NLRP14: variants seen among roughly 807,000 people sequenced by gnomAD.
The protein encoded by NLRP14 is NACHT, LRR and PYD domains-containing protein 14.
A neutral mutation model predicts 94.7 loss-of-function variants in NLRP14; 105 were observed. That is an observed-to-expected ratio of 1.11 (90% CI 0.95 to 1.30). The LOEUF (loss-of-function observed/expected upper bound fraction) is 1.30. Among genes scored for constraint, NLRP14 ranks in the 50% most tolerant of loss-of-function variants. The pLI is 0.00. For missense variants in NLRP14, 1,362 were observed against 1,254.1 expected, an observed-to-expected ratio of 1.09 and a Z score of -1.30; for synonymous variants, 508 against 459.9, an observed-to-expected ratio of 1.10 and a Z score of -1.34.
At chr11:7,070,108 T>A (rs771040067) in intron 10 of NLRP14, among the ~76,000 whole-genome samples, 178 bp from the exon 11 acceptor site, 1 of 152,212 alleles carries the variant, frequency 6.6e-6, no homozygotes, top group Non-Finnish European at 1.5e-5. Context: ...AAGTTCAGCC[T>A]AGAAATATCT....
rs17194742 is a variant in NLRP14, at chr11:7,039,831, T to G, written c.361+46T>G. 90,394 of 1,398,284 alleles carry G rather than the reference T, an allele frequency of 0.065. 3,331 individuals carry two copies. The highest frequency in any genetic ancestry group is 0.08 in the Non-Finnish European group (78,795 of 983,156). The allele number at this position is 1,398,284 out of a possible 1,614,324, so 86.6% of individuals were successfully genotyped here. On this transcript the variant is annotated intron_variant, in intron 3 of 11. Transcript: ENST00000299481. ...TCAGATTTGGGAGGCATTCAAAGTTTTGATACAGGACGGTGATTTATCTCC... is the reference window on the plus strand; with the variant it reads ...TCAGATTTGGGAGGCATTCAAAGTTGTGATACAGGACGGTGATTTATCTCC...
At position 7,052,274 on chromosome 11, in the gene NLRP14, G is replaced by A. The variant is rs1565021135; in HGVS notation, c.2291+2436G>A. ...TACCAAAATGGCATATAAATGCAGA[G>A]CACTCTCTATATCTTCATAGACTTT... On this transcript the variant is annotated intron_variant, in intron 6 of 11. Coordinates refer to ENST00000299481, the MANE Select transcript of NLRP14 (RefSeq NM_176822.4). 3.9e-5 allele frequency among the ~76,000 whole-genome samples: 6 copies of A among 152,156 alleles called. No homozygotes were observed. The South Asian group carries it at 8.3e-4, about 21-fold the overall frequency.
the NLRP14 span, among the ~76,000 whole-genome samples, chr11:7,077,864 G>A: frequency 5.3e-5 from 8 of 152,086 alleles, no homozygotes; most frequent in Admixed American, 5.2e-4. Context: ...ATTTGGGTGG[G>A]GACACAGCCA....
chr11:7,024,414 G>T (rs1282978692), intron 1 of NLRP14, among the ~76,000 whole-genome samples: 2 of 152,176 alleles, frequency 1.3e-5, no homozygotes, highest in Non-Finnish European at 2.9e-5. Context: ...ATGCTATCTT[G>T]GTTTCTGCTA....
chr11:7,075,570 C>T (rs1174567189), downstream of NLRP14, among the ~76,000 whole-genome samples: 1 of 152,130 alleles, frequency 6.6e-6, no homozygotes, highest in Non-Finnish European at 1.5e-5. Flanking sequence ...TAAAAACATG[C>T]CTGGTGGTAT....
intron 1 of NLRP14, 139 bp from the exon 2 acceptor site, chr11:7,038,427 G>A: frequency 1.5e-6 from 1 of 676,404 alleles, no homozygotes; most frequent in South Asian, 1.8e-5. Context: ...AGGACACTAG[G>A]TCAGTACCGA....
At chr11:7,080,687 C>T in the NLRP14 span, among the ~76,000 whole-genome samples, 7 of 152,240 alleles carry the variant, frequency 4.6e-5, no homozygotes, top group South Asian at 1.5e-3. Context: ...AACCAATATT[C>T]AAATGTTATA....
intron 6 of NLRP14, among the ~76,000 whole-genome samples, chr11:7,055,793 T>TGCTACAGATAGCAA (rs1162912413): frequency 2.0e-5 from 3 of 152,086 alleles, no homozygotes; most frequent in Non-Finnish European, 4.4e-5. Context: ...AGCTGGTCAG[T>TGCTACAGATAGCAA]GCTACAGATA....
At chr11:7,082,023 G>T in the NLRP14 span, among the ~76,000 whole-genome samples, 1 of 152,116 alleles carries the variant, frequency 6.6e-6, no homozygotes, top group African/African-American at 2.4e-5. Context: ...ACTCAGGCAT[G>T]GTCAAAGGGG....
At chr11:7,082,344 T>A in the NLRP14 span, among the ~76,000 whole-genome samples, 1 of 152,214 alleles carries the variant, frequency 6.6e-6, no homozygotes, top group Admixed American at 6.5e-5. Context: ...TTATGGTAGA[T>A]GTAACTAAAA....
At chr11:7,023,698 C>T (rs1446140379) in intron 1 of NLRP14, among the ~76,000 whole-genome samples, 1 of 151,974 alleles carries the variant, frequency 6.6e-6, no homozygotes, top group Non-Finnish European at 1.5e-5. Flanking sequence ...CAGGTTTAAT[C>T]TCACAGTTCT....
chr11:7,089,903 C>G, the NLRP14 span: 1 of 1,612,912 alleles, frequency 6.2e-7, no homozygotes, highest in Non-Finnish European at 8.5e-7. Flanking sequence ...GCGACCGAGA[C>G]GGCTACGGAG....
At chr11:7,031,766 A>G (rs1487725764) in intron 1 of NLRP14, among the ~76,000 whole-genome samples, 2 of 151,930 alleles carry the variant, frequency 1.3e-5, no homozygotes, top group Non-Finnish European at 2.9e-5. Context: ...CCCTCTCCCT[A>G]CTGAAAACGA....
Position 7,043,228 on chromosome 11 carries a change from C to G in NLRP14, c.1202C>G (p.Thr401Ser). The G allele has an allele frequency of 6.2e-7, 1 of 1,614,170 alleles. No individual in the cohort carries two copies. The highest frequency in any genetic ancestry group is 8.5e-7 in the Non-Finnish European group (1 of 1,180,034). ...TGCCAAACAACCACAGCTCTGTTTACCTGCTATATTTCTAGCTTGTTCACA... is the reference window on the plus strand; with the variant it reads ...TGCCAAACAACCACAGCTCTGTTTAGCTGCTATATTTCTAGCTTGTTCACA... ...LTCQTTTALF[T>S]CYISSLFTPV... is the part of the protein sequence containing the mutation. Residue 401 changes from threonine (T) to serine (S), a missense_variant, in exon 4 of 12, where the codon ACC becomes AGC. By Grantham distance (58) the Thr-to-Ser change is moderately conservative. Transcript: ENST00000299481.
chr11:7,034,373 CTATCGGCT>C (rs1227163961), intron 1 of NLRP14, among the ~76,000 whole-genome samples: 1 of 152,160 alleles, frequency 6.6e-6, no homozygotes, highest in Non-Finnish European at 1.5e-5. Context: ...CTATGAGATG[CTATCGGCT>C]CATCGTATCT....
chr11:7,080,476 C>T, the NLRP14 span, among the ~76,000 whole-genome samples: 8 of 152,168 alleles, frequency 5.3e-5, no homozygotes, highest in African/African-American at 1.7e-4. Context: ...TTAGAAATAA[C>T]CAGGTCCATG....
chr11:7,085,987 T>TGAATACTGTTGC, the NLRP14 span, among the ~76,000 whole-genome samples: 1 of 152,264 alleles, frequency 6.6e-6, no homozygotes, highest in Non-Finnish European at 1.5e-5. Context: ...TTGGCTGTTG[T>TGAATACTGTTGC]GAATACTGTT....
chr11:7,028,249 T>A (rs1852042209), intron 1 of NLRP14, among the ~76,000 whole-genome samples: 2 of 152,202 alleles, frequency 1.3e-5, no homozygotes, highest in South Asian at 4.1e-4. Context: ...TTTTAAACAA[T>A]CTTCTCAATC....
rs188557976 is a variant in NLRP14, at chr11:7,066,315, A to C, written c.2975+3812A>C. On this transcript the variant is annotated intron_variant, in intron 10 of 11. Transcript: ENST00000299481. ...TTCCACAATGGTTGAACAAATTTACACTCTCACCAACAGTGTAAAAGTGTT... is the reference window on the plus strand; with the variant it reads ...TTCCACAATGGTTGAACAAATTTACCCTCTCACCAACAGTGTAAAAGTGTT... Among the ~76,000 whole-genome samples, 596 of 152,204 alleles carry C rather than the reference A, an allele frequency of 3.9e-3. 10 individuals carry two copies. The highest frequency in any genetic ancestry group is 0.021 in the Admixed American group (324 of 15,302).
Sources: allele counts gnomAD v4.1 joint callset (sites outside exome capture counted in the v4.1 genomes callset), GRCh38; gene constraint gnomAD v4.1.1; transcripts MANE v1.5; gene names NCBI Gene and HGNC (gene_info 2026-07-23, HGNC 2026-07-21).